Variants in NLRP5 observed in about 807,000 individuals in gnomAD.
NLRP5 encodes NLR family pyrin domain containing 5.
In NLRP5, 93 loss-of-function variants were observed where a neutral mutation model predicts 113.1. That is an observed-to-expected ratio of 0.82 (90% CI 0.70 to 0.98). The LOEUF (loss-of-function observed/expected upper bound fraction) is 0.98, where lower values mean the gene tolerates loss of function less well. Ranked by LOEUF, NLRP5 falls within the 50% of genes least tolerant of loss-of-function variation. NLRP5 has a pLI of 0.00. For missense variants in NLRP5, 1,808 were observed against 1,514.3 expected, an observed-to-expected ratio of 1.19 and a Z score of -3.22; for synonymous variants, 751 against 600.7, an observed-to-expected ratio of 1.25 and a Z score of -3.66.
In NLRP5 at chr19:56,027,775, CGTG is replaced by C; in HGVS notation, c.1545_1547del (p.Val516del). 1 of 1,613,990 alleles carries C rather than the reference CGTG, an allele frequency of 6.2e-7. No individual in the cohort carries two copies. The highest frequency in any genetic ancestry group is 1.3e-5 in the African/African-American group (1 of 75,066). ...TGTTTCATCAGCTCACCCCTCGAGG[CGTG>C]GTCCGGCGCTGTCTCAATCTGGAGG... On this transcript the variant is annotated inframe_deletion, in exon 7 of 15. Transcript: ENST00000390649.
the NLRP5 span, among the ~76,000 whole-genome samples, chr19:55,988,847 CTT>C: frequency 5.4e-4 from 82 of 152,262 alleles, no homozygotes; most frequent in African/African-American, 1.9e-3. Flanking sequence ...AGTTGAGAGT[CTT>C]TGTCTTCTGT....
At chr19:56,022,359 T>A (rs1323595855) in intron 6 of NLRP5, among the ~76,000 whole-genome samples, 1 of 151,666 alleles carries the variant, frequency 6.6e-6, no homozygotes, top group Non-Finnish European at 1.5e-5. Context: ...AGCTGGAAAT[T>A]AGGCATATGC....
rs1184181777 is a variant in NLRP5, at chr19:56,032,742, C to T, written c.2408C>T (p.Ala803Val). Residue 803 changes from alanine (A) to valine (V), a missense_variant, in exon 8 of 15, where the codon GCC becomes GTC. By Grantham distance (64) the Ala-to-Val change is moderately conservative. Transcript: ENST00000390649. ...GAGCGGGCCATGAAGACCCTGTGTG[C>T]CAAGCTGAGGCATCCCACCTGCAAG... The T allele has an allele frequency of 2.5e-6, 4 of 1,612,312 alleles. No homozygotes were observed. The highest frequency in any genetic ancestry group is 1.3e-5 in the African/African-American group (1 of 74,878).
intron 9 of NLRP5, among the ~76,000 whole-genome samples, chr19:56,035,088 G>A (rs567669745): frequency 1.3e-5 from 2 of 152,020 alleles, no homozygotes; most frequent in African/African-American, 2.4e-5. Flanking sequence ...ACAGGCACCC[G>A]CCACCATGCC....
intron 12 of NLRP5, 98 bp from the exon 13 acceptor site, chr19:56,053,540 A>C: frequency 9.3e-7 from 1 of 1,079,432 alleles, no homozygotes; most frequent in Non-Finnish European, 1.3e-6. Context: ...CCCGTCAGGA[A>C]GGAATAAAGG....
chr19:56,031,601 A>C (rs1983116271), intron 7 of NLRP5, among the ~76,000 whole-genome samples: 1 of 147,300 alleles, frequency 6.8e-6, no homozygotes, highest in African/African-American at 2.5e-5. Flanking sequence ...ACTGCACTCC[A>C]GCCTGGGAGA....
intron 2 of NLRP5, among the ~76,000 whole-genome samples, chr19:56,008,411 G>T (rs552741995): frequency 6.6e-6 from 1 of 152,200 alleles, no homozygotes; most frequent in South Asian, 2.1e-4. Flanking sequence ...GTTGTTGAAG[G>T]TACCTGTATT....
rs1983386064 is a variant in NLRP5, at chr19:56,038,110, C to T, written c.2701C>T (p.Leu901=). ...CTCCCCCAGCCTGAAATCTCTGAGCCTGGCAGGAAACAAGGTGACAGACCA... is the reference window on the plus strand; with the variant it reads ...CTCCCCCAGCCTGAAATCTCTGAGCTTGGCAGGAAACAAGGTGACAGACCA... Residue 901 remains leucine, a synonymous_variant, in exon 10 of 15, where the codon CTG becomes TTG. Transcript: ENST00000390649. 1 of 1,613,990 alleles carries T rather than the reference C, an allele frequency of 6.2e-7. No individual in the cohort carries two copies. The highest frequency in any genetic ancestry group is 8.5e-7 in the Non-Finnish European group (1 of 1,179,860).
chr19:56,002,507 C>A (rs147590605), intron 1 of NLRP5, among the ~76,000 whole-genome samples: 11,725 of 150,040 alleles, frequency 0.078, 616 homozygotes, highest in African/African-American at 0.14. Context: ...GGTACATATG[C>A]ACAACGTGCA....
rs376240762 is a variant in NLRP5 at position 56,061,506 on chromosome 19, A to G, written c.3581A>G (p.Asp1194Gly). 4 of 1,613,898 alleles carry G rather than the reference A, an allele frequency of 2.5e-6. No individual in the cohort carries two copies. The African/African-American group carries it at 5.3e-5, about 22-fold the overall frequency. ...AGTTGGCATTCTTTTGATGAAGATG[A>G]CCGGTACTGGTGGAAAAACTGAAGA... is the stretch of plus-strand genomic sequence containing the variant. The change falls in exon 15 of 15, where the codon GAC (aspartate) becomes GGC (glycine). Residue 1194 changes from aspartate to glycine, a missense_variant. Asp to Gly is a moderately conservative substitution (Grantham distance 94, BLOSUM62 -1). Transcript: ENST00000390649.
chr19:56,007,898 C>CGT lies in NLRP5; in HGVS notation c.443-889_443-888insTG, dbSNP rs1357647456. Among the ~76,000 whole-genome samples the CGT allele has an allele frequency of 3.1e-4, 13 of 41,452 alleles. 3 individuals are homozygous for CGT. Among genetic ancestry groups the CGT allele is most frequent in the East Asian group, 1.7e-3 (1 of 584 alleles). The allele number at this position is 41,452 out of a possible 152,430, so 27.2% of individuals were successfully genotyped here. ...GTGTGTGTGTGTGTGTGCGCGTGCG[C>CGT]GCGTGCGTGTGTGTGTGTGTGTGTG... On this transcript the variant is annotated intron_variant, in intron 2 of 14. Coordinates refer to ENST00000390649, the MANE Select transcript of NLRP5 (RefSeq NM_153447.4).
intron 5 of NLRP5, among the ~76,000 whole-genome samples, chr19:56,019,898 G>A (rs1028079638): frequency 2.7e-5 from 4 of 150,558 alleles, no homozygotes; most frequent in East Asian, 1.9e-4. Flanking sequence ...GTGCAGTGGC[G>A]GGATCTCAGC....
chr19:56,014,337 A>G (rs73068165), intron 3 of NLRP5, among the ~76,000 whole-genome samples: 16,568 of 152,034 alleles, frequency 0.11, 1,164 homozygotes, highest in African/African-American at 0.18. Context: ...AAAATCCACC[A>G]GGCATGGTGG....
At chr19:56,055,931 C>T (rs951866645) in intron 13 of NLRP5, among the ~76,000 whole-genome samples, 4 of 152,160 alleles carry the variant, frequency 2.6e-5, no homozygotes, top group South Asian at 4.1e-4. Flanking sequence ...CTTCACTGAA[C>T]CGCACTCTCC....
chr19:56,036,929 C>A (rs1341556152), intron 9 of NLRP5, among the ~76,000 whole-genome samples: 1 of 152,152 alleles, frequency 6.6e-6, no homozygotes, highest in African/African-American at 2.4e-5. Flanking sequence ...TGCACTCTAG[C>A]CTGGGTGACA....
upstream of NLRP5, among the ~76,000 whole-genome samples, chr19:55,995,996 G>A (rs1042283263): frequency 3.3e-5 from 5 of 151,592 alleles, no homozygotes; most frequent in African/African-American, 1.2e-4. Context: ...TTTGTATGTT[G>A]ATTCTGCAAC....
chr19:56,057,187 C>T (rs1984188289), intron 13 of NLRP5, among the ~76,000 whole-genome samples: 1 of 152,106 alleles, frequency 6.6e-6, no homozygotes, highest in Admixed American at 6.5e-5. Flanking sequence ...ACATGTAAAA[C>T]CTATATACCC....
chr19:55,995,645 T>C (rs28795692), upstream of NLRP5, among the ~76,000 whole-genome samples: 3,150 of 152,268 alleles, frequency 0.021, 101 homozygotes, highest in African/African-American at 0.065. Flanking sequence ...GGTGTTTTGA[T>C]AGGGATTGCA....
chr19:56,009,685 G>T (rs1188163940), intron 3 of NLRP5, among the ~76,000 whole-genome samples: 1 of 152,142 alleles, frequency 6.6e-6, no homozygotes, highest in African/African-American at 2.4e-5. Flanking sequence ...AGGGAGAAAG[G>T]CAGGCTGCAT....
Sources: allele counts gnomAD v4.1 joint callset (sites outside exome capture counted in the v4.1 genomes callset), GRCh38; gene constraint gnomAD v4.1.1; transcripts MANE v1.5; gene names NCBI Gene and HGNC (gene_info 2026-07-23, HGNC 2026-07-21).